Variants in RNF125 observed in about 807,000 individuals in gnomAD.
RNF125 encodes E3 ubiquitin-protein ligase RNF125.
In RNF125, 21 loss-of-function variants were observed where a neutral mutation model predicts 26.0. The ratio of observed to expected loss-of-function variants is 0.81; its 90% confidence interval spans 0.57 to 1.16. The LOEUF is 1.16. Among genes scored for constraint, RNF125 ranks in the 50% most tolerant of loss-of-function variants. The probability of loss-of-function intolerance (pLI) is 0.00; values close to 1 mark genes in which losing one functional copy is unlikely to be tolerated. For synonymous variants in RNF125, 95 were observed against 109.2 expected, an observed-to-expected ratio of 0.87 and a Z score of 0.81; for missense variants, 270 against 299.4, an observed-to-expected ratio of 0.90 and a Z score of 0.72.
At chr18:32,024,613 TA>T (rs1180699357) in intron 1 of RNF125, among the ~76,000 whole-genome samples, 1 of 152,010 alleles carries the variant, frequency 6.6e-6, no homozygotes, top group Non-Finnish European at 1.5e-5. Flanking sequence ...GCTAAAATTT[TA>T]TTTTTTTATA....
chr18:32,040,644 C>T (rs1442403240), intron 2 of RNF125, among the ~76,000 whole-genome samples: 1 of 152,168 alleles, frequency 6.6e-6, no homozygotes, highest in Non-Finnish European at 1.5e-5. Flanking sequence ...ACCATTAGAA[C>T]AGGCACAATG....
rs184791703 is a variant in RNF125 at position 32,057,130 on chromosome 18, A to G, written c.505-8772A>G. On this transcript the variant is annotated intron_variant, in intron 4 of 5. Coordinates refer to ENST00000217740, the MANE Select transcript of RNF125 (RefSeq NM_017831.4). ...ACATCTTAATTTCCCTTCTGTGTCTATTGCAGTTTATTGATGTTTTCCTTA... is the reference window on the plus strand; with the variant it reads ...ACATCTTAATTTCCCTTCTGTGTCTGTTGCAGTTTATTGATGTTTTCCTTA... 1.7e-3 allele frequency among the ~76,000 whole-genome samples: 266 copies of G among 152,156 alleles called. 2 individuals are homozygous for G. The highest frequency in any genetic ancestry group is 5.8e-3 in the African/African-American group (241 of 41,502).
chr18:32,063,726 AAT>A (rs1052955570), intron 4 of RNF125, among the ~76,000 whole-genome samples: 1 of 152,190 alleles, frequency 6.6e-6, no homozygotes, highest in African/African-American at 2.4e-5. Context: ...CCATACATGA[AAT>A]ACTACTCAGT....
intron 5 of RNF125, among the ~76,000 whole-genome samples, chr18:32,067,907 T>C (rs1205931545): frequency 1.3e-5 from 2 of 152,202 alleles, no homozygotes. Context: ...TCTTCAGAAG[T>C]AGCCATTCAG....
intron 4 of RNF125, among the ~76,000 whole-genome samples, chr18:32,061,215 A>G (rs931881376): frequency 3.7e-4 from 56 of 152,186 alleles, no homozygotes; most frequent in African/African-American, 6.5e-4. Context: ...TAGTAGAGAC[A>G]GGGTTTCACC....
downstream of RNF125, chr18:32,075,943 TC>T: frequency 6.6e-7 from 1 of 1,521,770 alleles, no homozygotes; most frequent in Non-Finnish European, 9.0e-7. Flanking sequence ...TTCTTCATGG[TC>T]CATGATGCCA....
At chr18:32,065,869 C>T in intron 4 of RNF125, 33 bp from the exon 5 acceptor site, 1 of 1,432,058 alleles carries the variant, frequency 7.0e-7, no homozygotes, top group Non-Finnish European at 9.8e-7. Context: ...ATTTTAAATT[C>T]TTTCTTGAAC....
chr18:32,041,363 A>G (rs1159775411), intron 2 of RNF125, among the ~76,000 whole-genome samples: 1 of 152,142 alleles, frequency 6.6e-6, no homozygotes, highest in Non-Finnish European at 1.5e-5. Context: ...CATGGTATTT[A>G]TATCTTTCCC....
At chr18:32,023,514 A>C (rs2039005020) in intron 1 of RNF125, among the ~76,000 whole-genome samples, 1 of 152,156 alleles carries the variant, frequency 6.6e-6, no homozygotes, top group African/African-American at 2.4e-5. Context: ...CCATATACAC[A>C]GGGTACCAGG....
intron 1 of RNF125, among the ~76,000 whole-genome samples, chr18:32,024,599 C>A (rs1008315452): frequency 1.3e-5 from 2 of 152,130 alleles, no homozygotes; most frequent in Non-Finnish European, 2.9e-5. Context: ...CCCCACCACA[C>A]CCTGCTAAAA....
chr18:32,072,872 GGCAGACCTCCTT>G lies in RNF125; in HGVS notation c.*4489_*4500del, dbSNP rs961315599. ...AATCTACACTAAAGATATGGTTCCA[GGCAGACCTCCTT>G]AGAGACCTCCAGGCAGACCTCCTTA... On this transcript the variant is annotated 3_prime_UTR_variant, in exon 6 of 6. Transcript: ENST00000217740. 9 of 152,012 alleles carry G rather than the reference GGCAGACCTCCTT, an allele frequency of 5.9e-5. No homozygotes were observed. Among genetic ancestry groups the G allele is most frequent in the Non-Finnish European group, 1.2e-4 (8 of 67,952 alleles). 9.4% of individuals were successfully genotyped at this position (152,012 alleles called of 1,614,324 possible). A position where few individuals can be genotyped will look rare whatever the true frequency, so the allele number is the denominator to read the frequency against.
chr18:32,032,926 A>G (rs2039113280), intron 1 of RNF125, among the ~76,000 whole-genome samples: 1 of 152,166 alleles, frequency 6.6e-6, no homozygotes. Context: ...TGAACAAGAA[A>G]GTTTAGGGTG....
intron 1 of RNF125, chr18:32,031,357 G>A (rs2144447373): frequency 6.6e-6 from 1 of 151,844 alleles, no homozygotes; most frequent in East Asian, 1.9e-4. Context: ...TGAGGAGAAA[G>A]CACAGTAGCG....
chr18:32,031,476 C>A (rs1598810296), intron 1 of RNF125: 1 of 65,212 alleles, frequency 1.5e-5, no homozygotes, highest in African/African-American at 7.4e-5. Flanking sequence ...GCATACAACT[C>A]AAATTGTGGG....
chr18:32,045,169 AC>A (rs1218164952), intron 3 of RNF125, among the ~76,000 whole-genome samples: 2 of 151,780 alleles, frequency 1.3e-5, no homozygotes, highest in Non-Finnish European at 2.9e-5. Flanking sequence ...ACCTGCAGCT[AC>A]CTTATTAAAT....
At chr18:32,083,576 G>C in the RNF125 span, among the ~76,000 whole-genome samples, 1 of 152,262 alleles carries the variant, frequency 6.6e-6, no homozygotes, top group South Asian at 2.1e-4. Context: ...CCTCTGTCCT[G>C]GCGAGGAAGC....
chr18:32,066,178 A>T, intron 5 of RNF125, 169 bp downstream of exon 5: 1 of 477,090 alleles, frequency 2.1e-6, no homozygotes, highest in Non-Finnish European at 3.8e-6. Flanking sequence ...GGCCTGGTGC[A>T]GTGGCTCACG....
intron 1 of RNF125, among the ~76,000 whole-genome samples, chr18:32,027,540 A>T (rs554405286): frequency 1.3e-5 from 2 of 152,068 alleles, no homozygotes; most frequent in Non-Finnish European, 2.9e-5. Flanking sequence ...AAACACAGAG[A>T]CTCATACCAT....
downstream of RNF125, chr18:32,076,145 T>C: frequency 1.7e-6 from 1 of 577,404 alleles, no homozygotes; most frequent in Non-Finnish European, 3.2e-6. Flanking sequence ...GTAACCATGC[T>C]TCATTATCAC....
Sources: allele counts gnomAD v4.1 joint callset (sites outside exome capture counted in the v4.1 genomes callset), GRCh38; gene constraint gnomAD v4.1.1; transcripts MANE v1.5; gene names NCBI Gene and HGNC (gene_info 2026-07-23, HGNC 2026-07-21).